The following GIGYF1 variants were observed in gnomAD, a reference collection of about 807,000 sequenced individuals.
GIGYF1 encodes GRB10-interacting GYF protein 1.
GIGYF1 carries 84 observed loss-of-function variants against 147.1 expected under a neutral mutation model. That is an observed-to-expected ratio of 0.57 (90% CI 0.48 to 0.68). The LOEUF (loss-of-function observed/expected upper bound fraction) is 0.68, where lower values mean the gene tolerates loss of function less well. GIGYF1 is among the 30% of genes least tolerant of loss of function. GIGYF1 has a pLI of 0.00. For synonymous variants in GIGYF1, 752 were observed against 589.5 expected, an observed-to-expected ratio of 1.28 and a Z score of -3.99; for missense variants, 1,485 against 1,393.7, an observed-to-expected ratio of 1.07 and a Z score of -1.04.
chr7:100,683,885 G>C lies in GIGYF1; in HGVS notation c.1902C>G (p.Ser634Arg). ...GGDQNLLPTM[S>R]RSLSVPDSGR... ...CCGAATCTGGCACCGACAAGGACCG[G>C]CTCATCGTCGGGAGCAGGTTCTGGT... Residue 634 changes from serine to arginine, a missense_variant, in exon 19 of 27, where the codon AGC (serine) becomes AGG (arginine). By Grantham distance (110) the Ser-to-Arg change is moderately radical (BLOSUM62 -1). Transcript: ENST00000678049. 6.4e-7 allele frequency: 1 copy of C among 1,556,726 alleles called. No individual in the cohort carries two copies. The highest frequency in any genetic ancestry group is 8.7e-7 in the Non-Finnish European group (1 of 1,149,758).
In GIGYF1 at chr7:100,684,897, G is replaced by A. The variant is rs750336252; in HGVS notation, c.1291-3C>T. The stretch of plus-strand genomic sequence containing the variant: ...GAGGCCACCAGCTTCTCCGCCTCCT[G>A]GATGCCCAGAAAAAGAAGAAAGGCT... On this transcript the variant is annotated splice_polypyrimidine_tract_variant and splice_region_variant and intron_variant, in intron 14 of 26. Transcript: ENST00000678049. 6.9e-6 allele frequency: 11 copies of A among 1,605,600 alleles called. No homozygotes were observed. Among genetic ancestry groups the A allele is most frequent in the African/African-American group, 1.3e-5 (1 of 74,720 alleles).
At chr7:100,686,961 T>C in intron 9 of GIGYF1, 45 bp downstream of exon 9, 3 of 1,611,710 alleles carry the variant, frequency 1.9e-6, no homozygotes, top group Non-Finnish European at 2.5e-6. Context: ...CCACCCATCT[T>C]GGTCCTCCCT....
rs1286682476 is a variant in GIGYF1, at chr7:100,684,435, G to A, written c.1629+15C>T. 6 of 1,611,616 alleles carry A rather than the reference G, an allele frequency of 3.7e-6. No homozygotes were observed. Among genetic ancestry groups the A allele is most frequent in the Non-Finnish European group, 5.1e-6 (6 of 1,179,860 alleles). ...CTCACACCCTGTCCCTCCATGCAGG[G>A]GAGAAGCGGCTCACCAGCAGTGGGG... On this transcript the variant is annotated intron_variant, in intron 16 of 26. Transcript: ENST00000678049.
intron 13 of GIGYF1, 52 bp from the exon 14 acceptor site, chr7:100,685,198 A>G: frequency 6.6e-7 from 1 of 1,519,240 alleles, no homozygotes; most frequent in Admixed American, 1.9e-5. Flanking sequence ...GAGACAAGAT[A>G]GCTTTCGCCT....
rs2131394597 is a variant in GIGYF1 at position 100,688,747 on chromosome 7, G to C, written c.-290C>G. On this transcript the variant is annotated 5_prime_UTR_variant, in exon 2 of 27. Coordinates refer to ENST00000678049, the MANE Select transcript of GIGYF1 (RefSeq NM_001375765.1). ...AAGGAGAGCAGGGGGGAGGAGGGAGGGTTCAGGACATGGCTCTGCCGGCAG... is the reference window on the plus strand; with the variant it reads ...AAGGAGAGCAGGGGGGAGGAGGGAGCGTTCAGGACATGGCTCTGCCGGCAG... 3.2e-6 allele frequency: 1 copy of C among 316,468 alleles called. No individual in the cohort carries two copies. Among genetic ancestry groups the C allele is most frequent in the Admixed American group, 4.0e-5 (1 of 24,934 alleles). 19.6% of individuals were successfully genotyped at this position (316,468 alleles called of 1,614,324 possible). A position where few individuals can be genotyped will look rare whatever the true frequency, so the allele number is the denominator to read the frequency against.
intron 1 of GIGYF1, among the ~76,000 whole-genome samples, chr7:100,691,978 T>C (rs912105596): frequency 6.6e-6 from 1 of 152,244 alleles, no homozygotes; most frequent in Non-Finnish European, 1.5e-5. Context: ...CACATTCAGC[T>C]AAGAACATTA....
In GIGYF1 at chr7:100,688,018, C is replaced by A. The variant is rs200510412; in HGVS notation, c.128G>T (p.Arg43Leu). 2 of 1,613,438 alleles carry A rather than the reference C, an allele frequency of 1.2e-6. No homozygotes were observed. Among genetic ancestry groups the A allele is most frequent in the Non-Finnish European group, 8.5e-7 (1 of 1,179,732 alleles). Residue 43 changes from arginine (R) to leucine (L), a missense_variant, in exon 5 of 27, where the codon CGA (arginine) becomes CTA (leucine). Transcript: ENST00000678049. The stretch of plus-strand genomic sequence containing the variant: ...GACGTAGAGAGCCAGCATTTCCTCT[C>A]GCCCATAACGGTAGTCAGCCAGCTT... ...KYKLADYRYG[R>L]EEMLALYVKE...
At position 100,681,929 on chromosome 7, in the gene GIGYF1, C is replaced by A; in HGVS notation, c.2990G>T (p.Gly997Val). 6.2e-7 allele frequency: 1 copy of A among 1,610,292 alleles called. No homozygotes were observed. Among genetic ancestry groups the A allele is most frequent in the Non-Finnish European group, 8.5e-7 (1 of 1,179,948 alleles). The change falls in exon 26 of 27, where the codon GGC becomes GTC. Residue 997 changes from glycine to valine, a missense_variant. Coordinates refer to ENST00000678049, the MANE Select transcript of GIGYF1 (RefSeq NM_001375765.1). ...AFQANHSTKL[G>V]PGEGSKAKRR... ...CTTGGCCTTGCTGCCCTCCCCGGGG[C>A]CGAGTTTGGTGCTGTGGTTGGCCTG...
intron 19 of GIGYF1, 61 bp from the exon 20 acceptor site, chr7:100,683,693 C>T: frequency 6.4e-7 from 1 of 1,567,534 alleles, no homozygotes; most frequent in South Asian, 1.1e-5. Context: ...CTGATCTAGT[C>T]CAGCCGCAGC....
At chr7:100,684,659 G>A (rs767707032) in intron 15 of GIGYF1, 43 bp from the exon 16 acceptor site, 2 of 1,612,928 alleles carry the variant, frequency 1.2e-6, no homozygotes, top group Non-Finnish European at 1.7e-6. Context: ...TGGGGTCACA[G>A]GGTATGCCAG....
Position 100,688,299 on chromosome 7 carries a change from T to A in GIGYF1, c.-61A>T. 2 of 1,215,672 alleles carry A rather than the reference T, an allele frequency of 1.6e-6. No individual in the cohort carries two copies. The highest frequency in any genetic ancestry group is 2.4e-6 in the Non-Finnish European group (2 of 826,900). The allele number at this position is 1,215,672 out of a possible 1,614,324, so 75.3% of individuals were successfully genotyped here. Reference sequence around the variant, plus strand: ...GGAGGAGGGGACCTGGCGTTCACTGTCCAAACACCTGTGGGGGAACAGGGG... The same window carrying A: ...GGAGGAGGGGACCTGGCGTTCACTGACCAAACACCTGTGGGGGAACAGGGG... On this transcript the variant is annotated 5_prime_UTR_variant, in exon 4 of 27. Coordinates refer to ENST00000678049, the MANE Select transcript of GIGYF1 (RefSeq NM_001375765.1).
At chr7:100,682,565 C>T (rs531303984) in intron 23 of GIGYF1, 25 bp downstream of exon 23, 45 of 1,590,992 alleles carry the variant, frequency 2.8e-5, no homozygotes, top group South Asian at 1.0e-4. Flanking sequence ...AGGGCCATCC[C>T]GGAGCCTCCA....
In GIGYF1 at chr7:100,686,749, C is replaced by A; in HGVS notation, c.594G>T (p.Trp198Cys). The change falls in exon 10 of 27, where the codon TGG (tryptophan) becomes TGT (cysteine). Residue 198 changes from tryptophan (W) to cysteine (C), a missense_variant. Coordinates refer to ENST00000678049, the MANE Select transcript of GIGYF1 (RefSeq NM_001375765.1). ...CCTCCTGTTCCTCCCGTAGGGAGCGCCAGTTCTCGCTGTCTGAGCGGGCGT... is the reference window on the plus strand; with the variant it reads ...CCTCCTGTTCCTCCCGTAGGGAGCGACAGTTCTCGCTGTCTGAGCGGGCGT... ...KEHARSDSENWRSLREEQEEE... is the reference protein window; with the variant it reads ...KEHARSDSENCRSLREEQEEE... 6.2e-7 allele frequency: 1 copy of A among 1,614,012 alleles called. No individual in the cohort carries two copies. The highest frequency in any genetic ancestry group is 8.5e-7 in the Non-Finnish European group (1 of 1,180,010).
intron 8 of GIGYF1, 64 bp downstream of exon 8, chr7:100,687,234 A>G: frequency 3.3e-6 from 5 of 1,522,696 alleles, no homozygotes; most frequent in Non-Finnish European, 4.5e-6. Flanking sequence ...CCCTCTAGCG[A>G]CAGGGCCCAG....
rs1249034922 is a variant in GIGYF1, at chr7:100,694,216, C to G, written c.-1205G>C. Among the ~76,000 whole-genome samples the G allele has an allele frequency of 6.9e-6, 1 of 145,606 alleles. No homozygotes were observed. The highest frequency in any genetic ancestry group is 1.5e-5 in the Non-Finnish European group (1 of 65,578). On this transcript the variant is annotated 5_prime_UTR_variant, in exon 1 of 27. Transcript: ENST00000678049. ...GCGGGGGAGGGGGCGCTGGCGCTCCCGCGGCGGCCGCTCCTCTGTGTTTGT... is the reference window on the plus strand; with the variant it reads ...GCGGGGGAGGGGGCGCTGGCGCTCCGGCGGCGGCCGCTCCTCTGTGTTTGT...
chr7:100,682,924 G>C (rs576283382), intron 22 of GIGYF1, 88 bp downstream of exon 22: 1 of 1,292,922 alleles, frequency 7.7e-7, no homozygotes, highest in Non-Finnish European at 1.0e-6. Context: ...ACTGGGGCTG[G>C]GGCTGCACAA....
chr7:100,687,715 C>G, intron 6 of GIGYF1, 73 bp downstream of exon 6: 1 of 1,527,134 alleles, frequency 6.5e-7, no homozygotes, highest in Non-Finnish European at 9.0e-7. Flanking sequence ...CAGCGCTGGC[C>G]CCTCTCCTCC....
rs765378070 is a variant in GIGYF1 at position 100,685,516 on chromosome 7, G to A, written c.1055-35C>T. The A allele has an allele frequency of 5.7e-6, 9 of 1,584,714 alleles. No homozygotes were observed. In the South Asian group the frequency reaches 1.0e-4, roughly 18 times the overall value. ...GGAGATGGCCAGAGTTCAGAACCAA[G>A]GGCTGGGCCTGCCACGCGAGTTAGC... On this transcript the variant is annotated intron_variant, in intron 12 of 26. Coordinates refer to ENST00000678049, the MANE Select transcript of GIGYF1 (RefSeq NM_001375765.1).
rs979254222 is a variant in GIGYF1, at chr7:100,686,533, G to C, written c.695-100C>G. The C allele has an allele frequency of 1.4e-5, 21 of 1,517,244 alleles. No homozygotes were observed. In the Admixed American group the frequency reaches 4.1e-4, roughly 30 times the overall value. 94.0% of individuals were successfully genotyped at this position (1,517,244 alleles called of 1,614,324 possible). On this transcript the variant is annotated intron_variant, in intron 10 of 26. Coordinates refer to ENST00000678049, the MANE Select transcript of GIGYF1 (RefSeq NM_001375765.1). ...GGAGCACCTCCAGGGCTGCTGTCCC[G>C]GCCACTCCCACACCAGCCAGCCTCT...
Sources: allele counts gnomAD v4.1 joint callset (sites outside exome capture counted in the v4.1 genomes callset), GRCh38; gene constraint gnomAD v4.1.1; transcripts MANE v1.5; gene names NCBI Gene and HGNC (gene_info 2026-07-23, HGNC 2026-07-21).